The following PIGQ variants were observed in gnomAD, a reference collection of about 807,000 sequenced individuals.
The protein encoded by PIGQ is phosphatidylinositol N-acetylglucosaminyltransferase subunit Q.
In PIGQ, 54 loss-of-function variants were observed where a neutral mutation model predicts 60.3. The ratio of observed to expected loss-of-function variants is 0.90; its 90% CI spans 0.72 to 1.12. The LOEUF is 1.12. PIGQ is among the 50% of genes most tolerant of loss of function. The probability of loss-of-function intolerance (pLI) is 0.00; values close to 1 mark genes in which losing one functional copy is unlikely to be tolerated. For synonymous variants in PIGQ, 416 were observed against 363.7 expected, an observed-to-expected ratio of 1.14 and a Z score of -1.64; for missense variants, 799 against 793.5, an observed-to-expected ratio of 1.01 and a Z score of -0.08.
intron 7 of PIGQ, chr16:579,959 T>C (rs1283225845): frequency 2.2e-6 from 1 of 448,040 alleles, no homozygotes; most frequent in Non-Finnish European, 4.0e-6. Flanking sequence ...CGCACCGTCT[T>C]GGGTGGTCTG....
In PIGQ at chr16:574,638, G is replaced by C; in HGVS notation, c.564G>C (p.Leu188=). 1.2e-6 allele frequency: 2 copies of C among 1,608,158 alleles called. No individual in the cohort carries two copies. Among genetic ancestry groups the C allele is most frequent in the South Asian group, 1.1e-5 (1 of 90,222 alleles). ...SDRFDEGPVR[L]SHWQSEGVEA... ...GCTTTGATGAGGGCCCCGTGCGGCT[G>C]AGCCACTGGCAGTCGGAGGGCGTGG... Residue 188 remains leucine, a synonymous_variant, in exon 2 of 11, where the codon CTG becomes CTC. Coordinates refer to ENST00000321878, the MANE Select transcript of PIGQ (RefSeq NM_004204.5).
chr16:579,826 G>A (rs1226543720), intron 7 of PIGQ: 2 of 161,312 alleles, frequency 1.2e-5, no homozygotes, highest in Non-Finnish European at 1.3e-5. Context: ...AGGTGCCCCG[G>A]GCCCGGAGAC....
At chr16:571,122 T>C (rs1355413435) in intron 1 of PIGQ, among the ~76,000 whole-genome samples, 2 of 1,586 alleles carry the variant, frequency 1.3e-3, no homozygotes, top group African/African-American at 2.7e-3. Context: ...GCTAGCCTGG[T>C]GCCCGTGTGT....
In PIGQ at chr16:574,374, A is replaced by G. The variant is rs987142845; in HGVS notation, c.300A>G (p.Arg100=). ...CCTGGCTGCGGCTGTGCCGGGAGAGAGGCGGCACGTTCTGGAGCTGCGAGG... is the reference window on the plus strand; with the variant it reads ...CCTGGCTGCGGCTGTGCCGGGAGAGGGGCGGCACGTTCTGGAGCTGCGAGG... The part of the protein sequence containing the change: ...HEPWLRLCRE[R]GGTFWSCEAT... Residue 100 remains arginine, a synonymous_variant, in exon 2 of 11, where the codon AGA becomes AGG. Coordinates refer to ENST00000321878, the MANE Select transcript of PIGQ (RefSeq NM_004204.5). The G allele has an allele frequency of 1.9e-6, 3 of 1,610,238 alleles. No individual in the cohort carries two copies. The African/African-American group carries it at 4.0e-5, about 22-fold the overall frequency.
In PIGQ at chr16:580,823, T is replaced by TGGCCG. The variant is rs1287716470; in HGVS notation, c.1417-28_1417-24dup. 4 of 966,212 alleles carry TGGCCG rather than the reference T, an allele frequency of 4.1e-6. 1 individual carries two copies. In the African/African-American group the frequency reaches 6.4e-5, roughly 15 times the overall value. 59.9% of individuals were successfully genotyped at this position (966,212 alleles called of 1,614,324 possible). ...GGACTGCTCTGCCCCCAGGCGCGTC[T>TGGCCG]GGCCGGGCCGGTCCTAAATGCTCCT... On this transcript the variant is annotated intron_variant, in intron 8 of 10. Coordinates refer to ENST00000321878, the MANE Select transcript of PIGQ (RefSeq NM_004204.5).
intron 4 of PIGQ, 160 bp from the exon 5 acceptor site, chr16:578,219 A>T: frequency 1.5e-6 from 1 of 663,442 alleles, no homozygotes; most frequent in Non-Finnish European, 2.5e-6. Context: ...TCCCGGAGCC[A>T]TCTGTGAAGG....
chr16:571,059 GTGTGTGTGTGTGTGTGTGTGTGTGTGT>G (rs2035610655), intron 1 of PIGQ, among the ~76,000 whole-genome samples: 1 of 22,460 alleles, frequency 4.5e-5, no homozygotes, highest in South Asian at 2.3e-3. Flanking sequence ...GTGTGTGTGT[GTGTGTGTGTGTGTGTGTGTGTGTGTGT>G]GTGTGTGTGT....
chr16:574,826 TTGTC>T (rs2035694089), intron 2 of PIGQ, 63 bp downstream of exon 2: 1 of 1,260,158 alleles, frequency 7.9e-7, no homozygotes, highest in Non-Finnish European at 1.1e-6. Context: ...GCCCATCCCT[TTGTC>T]TGCAGTGGGC....
chr16:578,250 G>A lies in PIGQ; in HGVS notation c.943-129G>A, dbSNP rs188997312. The stretch of plus-strand genomic sequence containing the variant: ...GAAGGGGAGCCCGTGTGCTGTCCAC[G>A]CTAGGACGCGGTAGACCCTGGAGGA... On this transcript the variant is annotated intron_variant, in intron 4 of 10. Coordinates refer to ENST00000321878, the MANE Select transcript of PIGQ (RefSeq NM_004204.5). 4.4e-4 allele frequency: 411 copies of A among 937,926 alleles called. 5 individuals carry two copies. The East Asian group carries it at 7.3e-3, about 17-fold the overall frequency. The allele number at this position is 937,926 out of a possible 1,614,324, so 58.1% of individuals were successfully genotyped here.
At position 578,874 on chromosome 16, in the gene PIGQ, C is replaced by T. The variant is rs1596385647; in HGVS notation, c.1159C>T (p.Leu387Phe). The change falls in exon 6 of 11, where the codon CTC (leucine) becomes TTC (phenylalanine). Residue 387 changes from leucine (L) to phenylalanine (F), a missense_variant. Leu to Phe is a conservative substitution (Grantham distance 22). Coordinates refer to ENST00000321878, the MANE Select transcript of PIGQ (RefSeq NM_004204.5). Reference sequence around the variant, plus strand: ...CCTGGGCCTGACGGTGGCCCTGTCCCTCCTCTCGGACATTATCGCCCTCCT... The same window carrying T: ...CCTGGGCCTGACGGTGGCCCTGTCCTTCCTCTCGGACATTATCGCCCTCCT... Reference protein sequence around the residue: ...ACLGLTVALSLLSDIIALLTF... With the variant: ...ACLGLTVALSFLSDIIALLTF... 6.2e-7 allele frequency: 1 copy of T among 1,613,848 alleles called. No individual in the cohort carries two copies. Among genetic ancestry groups the T allele is most frequent in the Non-Finnish European group, 8.5e-7 (1 of 1,179,956 alleles).
chr16:574,857 G>A (rs759237226), intron 2 of PIGQ, 94 bp downstream of exon 2: 121 of 1,018,104 alleles, frequency 1.2e-4, no homozygotes, highest in Non-Finnish European at 1.4e-4. Context: ...GCCCAGATGC[G>A]CTCTTCCTGG....
At chr16:575,717 C>T (rs1225604995) in intron 2 of PIGQ, 122 bp from the exon 3 acceptor site, 1 of 1,096,644 alleles carries the variant, frequency 9.1e-7, no homozygotes, top group Non-Finnish European at 1.3e-6. Flanking sequence ...GCCCCTCCCA[C>T]CTGCCCCCTG....
Position 576,165 on chromosome 16 carries a change from G to T in PIGQ, c.853G>T (p.Asp285Tyr). Residue 285 changes from aspartate to tyrosine, a missense_variant, in exon 4 of 11, where the codon GAC becomes TAC. Asp to Tyr is a radical substitution (Grantham distance 160). Coordinates refer to ENST00000321878, the MANE Select transcript of PIGQ (RefSeq NM_004204.5). The stretch of plus-strand genomic sequence containing the variant: ...CAACACGGTGGCCTCTGTGCTGCTG[G>T]ACGTGGCCCTGGGCCTCATGCTGCT... ...KANTVASVLL[D>Y]VALGLMLLSW... The T allele has an allele frequency of 6.5e-7, 1 of 1,549,346 alleles. No individual in the cohort carries two copies. The highest frequency in any genetic ancestry group is 8.7e-7 in the Non-Finnish European group (1 of 1,146,916).
At position 574,659 on chromosome 16, in the gene PIGQ, C is replaced by T. The variant is rs749396841; in HGVS notation, c.585C>T (p.Gly195=). 22 of 1,607,704 alleles carry T rather than the reference C, an allele frequency of 1.4e-5. No homozygotes were observed. The highest frequency in any genetic ancestry group is 1.8e-4 in the Middle Eastern group (1 of 5,426). Residue 195 remains glycine, a synonymous_variant, in exon 2 of 11, where the codon GGC becomes GGT. Transcript: ENST00000321878. ...GGCTGAGCCACTGGCAGTCGGAGGG[C>T]GTGGAGGCCAGCATCCTCGCGGAGC... ...PVRLSHWQSE[G]VEASILAELA...
rs142711231 is a variant in PIGQ at position 577,442 on chromosome 16, T to A, written c.943-937T>A. On this transcript the variant is annotated intron_variant, in intron 4 of 10. Coordinates refer to ENST00000321878, the MANE Select transcript of PIGQ (RefSeq NM_004204.5). Reference sequence around the variant, plus strand: ...AATACAAAAAATTAGCCAGGTATGGTGGTGGGCACCTGTAGTCCCAGCTAA... The same window carrying A: ...AATACAAAAAATTAGCCAGGTATGGAGGTGGGCACCTGTAGTCCCAGCTAA... Among the ~76,000 whole-genome samples the A allele has an allele frequency of 6.2e-3, 938 of 152,032 alleles. 8 individuals carry two copies. Among genetic ancestry groups the A allele is most frequent in the African/African-American group, 0.021 (869 of 41,470 alleles).
At chr16:581,397 C>T (rs973816528) in intron 9 of PIGQ, 5 of 1,089,006 alleles carry the variant, frequency 4.6e-6, no homozygotes, top group South Asian at 4.7e-5. Context: ...GCACAGCCTG[C>T]GCCCGTCCCT....
intron 1 of PIGQ, chr16:572,483 C>T: frequency 2.2e-6 from 1 of 455,948 alleles, no homozygotes. Flanking sequence ...GAGGCCTCTT[C>T]CAGAGCCCCT....
chr16:580,380 T>G, intron 8 of PIGQ, 117 bp downstream of exon 8: 1 of 767,624 alleles, frequency 1.3e-6, no homozygotes. Flanking sequence ...GCCACGTGGG[T>G]GGCCTTTCAG....
chr16:579,154 G>A lies in PIGQ; in HGVS notation c.1309G>A (p.Asp437Asn), dbSNP rs1433896771. The A allele has an allele frequency of 1.9e-6, 3 of 1,612,872 alleles. No homozygotes were observed. The highest frequency in any genetic ancestry group is 1.3e-5 in the African/African-American group (1 of 75,036). ...GTGGAACGTTCTGCGCCAGCGCGTG[G>A]ACTCCTGTTCCTATGACCTGGACCA... ...KKWNVLRQRV[D>N]SCSYDLDQLF... Residue 437 changes from aspartate (D) to asparagine (N), a missense_variant, in exon 7 of 11, where the codon GAC becomes AAC. Coordinates refer to ENST00000321878, the MANE Select transcript of PIGQ (RefSeq NM_004204.5).
Sources: gnomAD v4.1 joint callset for allele counts (sites outside exome capture counted in the v4.1 genomes callset) on GRCh38, gnomAD v4.1.1 for gene constraint, MANE v1.5 for transcripts, NCBI Gene and HGNC (gene_info 2026-07-23, HGNC 2026-07-21) for gene names.